BMERB1: variants seen among roughly 807,000 people sequenced by gnomAD.
BMERB1 encodes the protein bMERB domain containing 1, also known as bMERB domain-containing protein 1.
A neutral mutation model predicts 23.6 loss-of-function variants in BMERB1; 12 were observed. That is an observed-to-expected ratio of 0.51 (90% confidence interval 0.33 to 0.82). The LOEUF (loss-of-function observed/expected upper bound fraction) is 0.82, where lower values mean the gene tolerates loss of function less well. BMERB1 is among the 40% of genes least tolerant of loss of function. The probability of loss-of-function intolerance (pLI) is 0.03; values close to 1 mark genes in which losing one functional copy is unlikely to be tolerated. For synonymous variants in BMERB1, 122 were observed against 96.6 expected (o/e 1.26, Z -1.54); for missense variants, 247 against 255.4 (o/e 0.97, Z 0.22).
At chr16:15,521,242 A>G (rs918032189) in intron 2 of BMERB1, among the ~76,000 whole-genome samples, 1 of 152,232 alleles carries the variant, frequency 6.6e-6, no homozygotes, top group Non-Finnish European at 1.5e-5. Flanking sequence ...CTGGTGTTTC[A>G]GTATCACCAT....
chr16:15,498,290 A>G (rs2051494653), intron 1 of BMERB1, among the ~76,000 whole-genome samples: 1 of 152,006 alleles, frequency 6.6e-6, no homozygotes, highest in African/African-American at 2.4e-5. Context: ...TAATCCCATC[A>G]GCTTGGGGGT....
In BMERB1 at chr16:15,587,489, C is replaced by G; in HGVS notation, c.*660C>G. 2.3e-6 allele frequency: 1 copy of G among 430,596 alleles called. No individual in the cohort carries two copies. The highest frequency in any genetic ancestry group is 1.6e-5 in the South Asian group (1 of 62,028). 26.7% of individuals were successfully genotyped at this position (430,596 alleles called of 1,614,324 possible). On this transcript the variant is annotated 3_prime_UTR_variant, in exon 6 of 6. Transcript: ENST00000300006. ...TCACATCAGGACAGCGTCCATTGTG[C>G]TCTCAGTCTGCCTCAGGTGTGTGCC...
chr16:15,529,715 A>T (rs1360859559), intron 2 of BMERB1, among the ~76,000 whole-genome samples: 1 of 151,984 alleles, frequency 6.6e-6, no homozygotes, highest in Non-Finnish European at 1.5e-5. Flanking sequence ...TGCTTCTCCC[A>T]CGGTCACATA....
chr16:15,482,971 A>G (rs2051336002), intron 1 of BMERB1, among the ~76,000 whole-genome samples: 1 of 152,130 alleles, frequency 6.6e-6, no homozygotes, highest in African/African-American at 2.4e-5. Context: ...CGTAAAACAC[A>G]TAGAAAAAAA....
chr16:15,574,699 G>A (rs766197142), intron 3 of BMERB1, among the ~76,000 whole-genome samples: 4 of 152,074 alleles, frequency 2.6e-5, no homozygotes, highest in Non-Finnish European at 5.9e-5. Flanking sequence ...GGCTGCATAC[G>A]TTGAAGCTGG....
At chr16:15,541,790 G>C (rs905672499) in intron 2 of BMERB1, among the ~76,000 whole-genome samples, 1 of 151,544 alleles carries the variant, frequency 6.6e-6, no homozygotes, top group Non-Finnish European at 1.5e-5. Context: ...TTTTGGTAGA[G>C]GTGGGGTTTC....
chr16:15,484,042 CAA>C (rs1228336188), intron 1 of BMERB1, among the ~76,000 whole-genome samples: 1 of 152,100 alleles, frequency 6.6e-6, no homozygotes, highest in African/African-American at 2.4e-5. Context: ...CATCACATGT[CAA>C]GAGAGAGGAA....
chr16:15,580,373 G>A lies in BMERB1; in HGVS notation c.305-844G>A, dbSNP rs529142096. Among the ~76,000 whole-genome samples the A allele has an allele frequency of 1.6e-3, 242 of 152,020 alleles. 1 individual carries two copies. Among genetic ancestry groups the A allele is most frequent in the African/African-American group, 5.3e-3 (221 of 41,436 alleles). Reference sequence around the variant, plus strand: ...CCTGCCTTGGTCTCCCAAAGTGCTGGGATTACAGGTGGCAGGCACTATGCC... The same window carrying A: ...CCTGCCTTGGTCTCCCAAAGTGCTGAGATTACAGGTGGCAGGCACTATGCC... On this transcript the variant is annotated intron_variant, in intron 3 of 5. Transcript: ENST00000300006.
intron 1 of BMERB1, among the ~76,000 whole-genome samples, chr16:15,444,127 T>TTTTTTTG (rs1567447893): frequency 4.2e-5 from 3 of 72,150 alleles, no homozygotes; most frequent in African/African-American, 1.4e-4. Flanking sequence ...AGCTTTGTTT[T>TTTTTTTG]TTTTTTTTTT....
At chr16:15,457,091 G>T (rs1260240132) in intron 1 of BMERB1, among the ~76,000 whole-genome samples, 3 of 152,186 alleles carry the variant, frequency 2.0e-5, no homozygotes, top group African/African-American at 4.8e-5. Flanking sequence ...CTCCCAAAAT[G>T]CTGGGATTGT....
intron 2 of BMERB1, among the ~76,000 whole-genome samples, chr16:15,526,207 A>C (rs576407557): frequency 1.2e-4 from 18 of 152,132 alleles, no homozygotes; most frequent in African/African-American, 4.3e-4. Flanking sequence ...ACTACACATG[A>C]GCATCAGGAG....
At chr16:15,568,154 T>A in intron 3 of BMERB1, 98 bp downstream of exon 3, 1 of 1,008,526 alleles carries the variant, frequency 9.9e-7, no homozygotes, top group Non-Finnish European at 1.5e-6. Flanking sequence ...AGCCTCATTC[T>A]TGCAATGCAG....
At chr16:15,494,593 A>G (rs1016702246) in intron 1 of BMERB1, among the ~76,000 whole-genome samples, 4 of 152,166 alleles carry the variant, frequency 2.6e-5, no homozygotes, top group African/African-American at 9.7e-5. Flanking sequence ...AGTCTTGTGA[A>G]TATCCTTAAT....
At chr16:15,517,977 G>A (rs549988267) in intron 2 of BMERB1, among the ~76,000 whole-genome samples, 6 of 145,778 alleles carry the variant, frequency 4.1e-5, no homozygotes, top group South Asian at 2.1e-4. Flanking sequence ...GTATGTGTGC[G>A]TGTGGATGTG....
intron 2 of BMERB1, among the ~76,000 whole-genome samples, chr16:15,558,083 T>C (rs2150968607): frequency 6.6e-6 from 1 of 152,148 alleles, no homozygotes; most frequent in African/African-American, 2.4e-5. Flanking sequence ...GCAGTCCAGA[T>C]GCAGGTGGCC....
intron 1 of BMERB1, among the ~76,000 whole-genome samples, chr16:15,467,269 T>C (rs2150930206): frequency 6.6e-6 from 1 of 152,330 alleles, no homozygotes; most frequent in South Asian, 2.1e-4. Flanking sequence ...ATTGCCAAAC[T>C]ATTTTCTAGA....
intron 2 of BMERB1, among the ~76,000 whole-genome samples, chr16:15,565,999 A>G (rs1224418880): frequency 6.6e-6 from 1 of 152,152 alleles, no homozygotes; most frequent in African/African-American, 2.4e-5. Flanking sequence ...TCTAAACCCC[A>G]AATAATCCAA....
intron 1 of BMERB1, among the ~76,000 whole-genome samples, chr16:15,449,188 A>G (rs1278765432): frequency 6.6e-6 from 1 of 152,250 alleles, no homozygotes; most frequent in Non-Finnish European, 1.5e-5. Context: ...TATGGTACAT[A>G]TATACCGTGG....
intron 1 of BMERB1, among the ~76,000 whole-genome samples, chr16:15,468,662 C>T (rs987655065): frequency 6.6e-6 from 1 of 152,084 alleles, no homozygotes; most frequent in Non-Finnish European, 1.5e-5. Flanking sequence ...TTCACAGACT[C>T]TTTTGCAGAG....
Sources: gnomAD v4.1 joint callset for allele counts (sites outside exome capture counted in the v4.1 genomes callset) on GRCh38, gnomAD v4.1.1 for gene constraint, MANE v1.5 for transcripts, NCBI Gene and HGNC (gene_info 2026-07-23, HGNC 2026-07-21) for gene names.